Variants in RGL3 observed in about 807,000 individuals in gnomAD.
RGL3 encodes the protein ral guanine nucleotide dissociation stimulator-like 3.
Under a neutral mutation model 90.6 loss-of-function variants are expected in RGL3, and 85 were observed. The ratio of observed to expected loss-of-function variants is 0.94; its 90% CI spans 0.79 to 1.12. The LOEUF (loss-of-function observed/expected upper bound fraction) is 1.12. Among genes scored for constraint, RGL3 ranks in the 50% most tolerant of loss-of-function variants. RGL3 has a pLI of 0.00. For missense variants in RGL3, 1,034 were observed against 939.2 expected (o/e 1.10, Z -1.32); for synonymous variants, 408 against 385.5 (o/e 1.06, Z -0.68).
Position 11,405,492 on chromosome 19 carries a change from A to G in RGL3, c.997-66T>C, listed in dbSNP as rs1365151897. ...CCACCTTTCATCCTGAAACTTCTTCATCTTTTTTTTTTTTTTTTTTTTTTT... is the reference window on the plus strand; with the variant it reads ...CCACCTTTCATCCTGAAACTTCTTCGTCTTTTTTTTTTTTTTTTTTTTTTT... On this transcript the variant is annotated intron_variant, in intron 7 of 18. Coordinates refer to ENST00000380456, the MANE Select transcript of RGL3 (RefSeq NM_001035223.4). 3.0e-5 allele frequency: 4 copies of G among 132,470 alleles called. No homozygotes were observed. In the Admixed American group the frequency reaches 4.3e-4, roughly 14 times the overall value. The allele number at this position is 132,470 out of a possible 1,614,324, so 8.2% of individuals were successfully genotyped here. A position where few individuals can be genotyped will look rare whatever the true frequency, so the allele number is the denominator to read the frequency against.
In RGL3 at chr19:11,416,894, G is replaced by A. The variant is rs375148959; in HGVS notation, c.313C>T (p.Pro105Ser). Reference protein sequence around the residue: ...AFLATYRTFVPTACLLGFLLP... With the variant: ...AFLATYRTFVSTACLLGFLLP... ...AGAAAGCCCAGCAGGCAGGCAGTGG[G>A]TACAAAGGTCCGGTAGGTGGCCAGG... The change falls in exon 3 of 19, where the codon CCC (proline) becomes TCC (serine). Residue 105 changes from proline to serine, a missense_variant. By Grantham distance (74) the Pro-to-Ser change is moderately conservative (BLOSUM62 -1). Coordinates refer to ENST00000380456, the MANE Select transcript of RGL3 (RefSeq NM_001035223.4). 2 of 1,614,018 alleles carry A rather than the reference G, an allele frequency of 1.2e-6. No individual in the cohort carries two copies. The highest frequency in any genetic ancestry group is 2.7e-5 in the African/African-American group (2 of 74,902).
At position 11,415,838 on chromosome 19, in the gene RGL3, T is replaced by G. The variant is rs1968982906; in HGVS notation, c.637+99A>C. The G allele has an allele frequency of 3.7e-6, 4 of 1,088,536 alleles. No individual in the cohort carries two copies. The East Asian group carries it at 1.0e-4, about 27-fold the overall frequency. The allele number at this position is 1,088,536 out of a possible 1,614,324, so 67.4% of individuals were successfully genotyped here. A position where few individuals can be genotyped will look rare whatever the true frequency, so the allele number is the denominator to read the frequency against. On this transcript the variant is annotated intron_variant, in intron 5 of 18. Transcript: ENST00000380456. ...TGAGGCTTAGAGTTTAAAATCTTGC[T>G]TAAGTTTTGTAGCTCTGAGAGGGGA...
At chr19:11,410,959 G>A (rs761037121) in intron 5 of RGL3, among the ~76,000 whole-genome samples, 2 of 151,874 alleles carry the variant, frequency 1.3e-5, no homozygotes, top group Non-Finnish European at 2.9e-5. Flanking sequence ...CTGTAATCCC[G>A]ACACTTCGGG....
At chr19:11,395,938 T>C (rs1568333984) in intron 18 of RGL3, among the ~76,000 whole-genome samples, 2 of 148,524 alleles carry the variant, frequency 1.3e-5, no homozygotes, top group Non-Finnish European at 3.0e-5. Flanking sequence ...CCTTTTTTTT[T>C]TTTAATTGAG....
rs199514199 is a variant in RGL3, at chr19:11,402,200, G to A, written c.1362+15C>T. 1.9e-6 allele frequency: 3 copies of A among 1,597,432 alleles called. No homozygotes were observed. Among genetic ancestry groups the A allele is most frequent in the Non-Finnish European group, 2.6e-6 (3 of 1,165,486 alleles). ...ACCCTCAGGCACCACCACACCCACT[G>A]TAGCCTCCACTCACCTTCCTCCTCT... On this transcript the variant is annotated intron_variant, in intron 12 of 18. Transcript: ENST00000380456.
chr19:11,415,714 A>ATC, intron 5 of RGL3, among the ~76,000 whole-genome samples: 1 of 151,628 alleles, frequency 6.6e-6, no homozygotes, highest in Non-Finnish European at 1.5e-5. Context: ...ACCTCAGGTG[A>ATC]TACACCATCC....
intron 16 of RGL3, among the ~76,000 whole-genome samples, chr19:11,399,247 C>A: frequency 6.6e-6 from 1 of 152,122 alleles, no homozygotes; most frequent in East Asian, 1.9e-4. Flanking sequence ...CCATGGTATG[C>A]AGATTCTTAG....
chr19:11,414,436 C>CAT (rs1224269151), intron 5 of RGL3, among the ~76,000 whole-genome samples: 1 of 76,332 alleles, frequency 1.3e-5, no homozygotes, highest in East Asian at 3.6e-4. Flanking sequence ...TATATACCTT[C>CAT]ATATATATAC....
intron 9 of RGL3, among the ~76,000 whole-genome samples, chr19:11,403,314 C>T (rs953494431): frequency 2.0e-4 from 30 of 146,962 alleles, no homozygotes; most frequent in Non-Finnish European, 4.2e-4. Context: ...GGATTACAGG[C>T]GTGAGCCACC....
intron 15 of RGL3, 23 bp downstream of exon 15, chr19:11,400,017 C>A: frequency 6.2e-7 from 1 of 1,601,900 alleles, no homozygotes; most frequent in Non-Finnish European, 8.5e-7. Flanking sequence ...ATCCCCAGTC[C>A]CATCACCAAG....
chr19:11,406,836 G>C lies in RGL3; in HGVS notation c.666C>G (p.Asp222Glu). Residue 222 changes from aspartate to glutamate, a missense_variant, in exon 6 of 19, where the codon GAC becomes GAG. Coordinates refer to ENST00000380456, the MANE Select transcript of RGL3 (RefSeq NM_001035223.4). ...CCGCGCAGGCCTCTGAAGAGTCTGG[G>C]TCAGAAGTTTGGGCAACTCTGGGAG... ...TGPPRVAQTS[D>E]PDSSEACAEE... The C allele has an allele frequency of 6.2e-7, 1 of 1,613,602 alleles. No individual in the cohort carries two copies. The highest frequency in any genetic ancestry group is 1.3e-5 in the African/African-American group (1 of 75,040).
chr19:11,417,720 T>A (rs1318102376), intron 2 of RGL3, among the ~76,000 whole-genome samples: 1 of 151,104 alleles, frequency 6.6e-6, no homozygotes, highest in Non-Finnish European at 1.5e-5. Flanking sequence ...TCCACTTGCC[T>A]CGGCCTCCCA....
At chr19:11,410,886 G>A (rs1968862507) in intron 5 of RGL3, among the ~76,000 whole-genome samples, 1 of 151,962 alleles carries the variant, frequency 6.6e-6, no homozygotes, top group South Asian at 2.1e-4. Flanking sequence ...GAGGCAAGGG[G>A]GATCTGTTAC....
chr19:11,416,583 C>T (rs372473968), intron 4 of RGL3, 31 bp downstream of exon 4: 27 of 1,607,756 alleles, frequency 1.7e-5, no homozygotes, highest in Admixed American at 5.0e-5. Context: ...ATTTCCCTCC[C>T]CGCACTCCCC....
Position 11,406,548 on chromosome 19 carries a change from G to T in RGL3, c.867C>A (p.Pro289=), listed in dbSNP as rs550327041. The change falls in exon 7 of 19, where the codon CCC becomes CCA. Residue 289 remains proline (P), a synonymous_variant. Coordinates refer to ENST00000380456, the MANE Select transcript of RGL3 (RefSeq NM_001035223.4). Reference sequence around the variant, plus strand: ...ACTGGGCCACGGTGGCGCGCACAGTGGGGGAGGCGCCTGCAGCCCCCGGCC... The same window carrying T: ...ACTGGGCCACGGTGGCGCGCACAGTTGGGGAGGCGCCTGCAGCCCCCGGCC... ...RDRPGAAGAS[P]TVRATVAQFN... 2 of 1,549,912 alleles carry T rather than the reference G, an allele frequency of 1.3e-6. No homozygotes were observed. Among genetic ancestry groups the T allele is most frequent in the Admixed American group, 2.0e-5 (1 of 51,048 alleles).
At chr19:11,395,953 G>C (rs1489083641) in intron 18 of RGL3, among the ~76,000 whole-genome samples, 1 of 145,896 alleles carries the variant, frequency 6.9e-6, no homozygotes, top group Non-Finnish European at 1.5e-5. Flanking sequence ...ATTGAGACAG[G>C]GTCTTGCTCT....
intron 1 of RGL3, 114 bp downstream of exon 1, chr19:11,419,111 GCCGCGAGTCCCCAGGAGGGGA>G: frequency 1.7e-5 from 16 of 939,646 alleles, no homozygotes; most frequent in Non-Finnish European, 2.5e-5. Context: ...TGGGTCAAGG[GCCGCGAGTCCCCAGGAGGGGA>G]CTCCAGGGCA....
In RGL3 at chr19:11,394,471, G is replaced by A. The variant is rs149567445; in HGVS notation, c.2064C>T (p.Val688=). 17 of 1,613,904 alleles carry A rather than the reference G, an allele frequency of 1.1e-5. No homozygotes were observed. The African/African-American group carries it at 1.6e-4, about 15-fold the overall frequency. The change falls in exon 19 of 19, where the codon GTC becomes GTT. Residue 688 remains valine (V), a synonymous_variant. Transcript: ENST00000380456. The part of the protein sequence containing the change: ...NANVFYAMSP[V]APRDFMLRRK... ...GCCGCAGCATGAAGTCTCTGGGGGCGACTGGACTCATGGCATAGAAGACGT... is the reference window on the plus strand; with the variant it reads ...GCCGCAGCATGAAGTCTCTGGGGGCAACTGGACTCATGGCATAGAAGACGT...
intron 9 of RGL3, among the ~76,000 whole-genome samples, chr19:11,404,019 C>T (rs1421629130): frequency 1.3e-5 from 2 of 152,128 alleles, no homozygotes; most frequent in Admixed American, 6.6e-5. Flanking sequence ...ATAGCTGGGA[C>T]TACAGACGTG....
Sources: gnomAD v4.1 joint callset for allele counts (sites outside exome capture counted in the v4.1 genomes callset) on GRCh38, gnomAD v4.1.1 for gene constraint, MANE v1.5 for transcripts, NCBI Gene and HGNC (gene_info 2026-07-23, HGNC 2026-07-21) for gene names.